Variants in HASPIN observed in about 807,000 individuals in gnomAD.
HASPIN encodes serine/threonine-protein kinase haspin.
In HASPIN, 24 loss-of-function variants were observed where a neutral mutation model predicts 28.8. The observed-to-expected ratio is 0.83, with a 90% CI of 0.60 to 1.17. The LOEUF is 1.17. Among genes scored for constraint, HASPIN ranks in the 50% most tolerant of loss-of-function variants. The pLI is 0.00. For synonymous variants in HASPIN, 440 were observed against 413.1 expected (o/e 1.07, Z -0.79); for missense variants, 1,016 against 1,018.5 (o/e 1.00, Z 0.03).
At position 3,724,467 on chromosome 17, in the gene HASPIN, G is replaced by T. The variant is rs749617939; in HGVS notation, c.532G>T (p.Gly178Trp). The change falls in exon 1 of 1, where the codon GGG (glycine) becomes TGG (tryptophan). Residue 178 changes from glycine (G) to tryptophan (W), a missense_variant. By Grantham distance (184) the Gly-to-Trp change is radical. Around this residue, in one of 3 missense-constraint regions of HASPIN, gnomAD observed 881 missense variants for 845.5 expected, o/e 1.04. Transcript: ENST00000325418. ...CAGCTCTCTGGCCTCGCCCTGCCCC[G>T]GGTCCCCAACGCCAAGGGACAGTGT... Reference protein sequence around the residue: ...LFSSLASPCPGSPTPRDSVIS... With the variant: ...LFSSLASPCPWSPTPRDSVIS... 1.2e-6 allele frequency: 2 copies of T among 1,613,758 alleles called. No individual in the cohort carries two copies. Among genetic ancestry groups the T allele is most frequent in the South Asian group, 2.2e-5 (2 of 91,078 alleles).
Position 3,726,627 on chromosome 17 carries a change from T to C in HASPIN, c.*295T>C. ...AGGATCGCTTGAGCCCAAGAGTTCA[T>C]ATCTAGCCTGGTCAACATAGCAAGA... On this transcript the variant is annotated 3_prime_UTR_variant, in exon 1 of 1. Coordinates refer to ENST00000325418, the MANE Select transcript of HASPIN (RefSeq NM_031965.2). The C allele has an allele frequency of 2.9e-6, 1 of 340,212 alleles. No individual in the cohort carries two copies. Among genetic ancestry groups the C allele is most frequent in the South Asian group, 7.1e-5 (1 of 14,016 alleles). 21.1% of individuals were successfully genotyped at this position (340,212 alleles called of 1,614,324 possible). A position where few individuals can be genotyped will look rare whatever the true frequency, so the allele number is the denominator to read the frequency against.
chr17:3,724,220 C>G lies in HASPIN; in HGVS notation c.285C>G (p.Thr95=). The G allele has an allele frequency of 6.3e-7, 1 of 1,593,484 alleles. No individual in the cohort carries two copies. The highest frequency in any genetic ancestry group is 8.5e-7 in the Non-Finnish European group (1 of 1,177,352). The change falls in exon 1 of 1, where the codon ACC becomes ACG. Residue 95 remains threonine, a synonymous_variant. Coordinates refer to ENST00000325418, the MANE Select transcript of HASPIN (RefSeq NM_031965.2). ...GRVPKDRPSL[T]VTPKRWKLRA... is the part of the protein sequence containing the mutation. Reference sequence around the variant, plus strand: ...TGCCCAAGGACCGGCCCAGCCTGACCGTGACCCCAAAGCGCTGGAAGCTGC... The same window carrying G: ...TGCCCAAGGACCGGCCCAGCCTGACGGTGACCCCAAAGCGCTGGAAGCTGC...
In HASPIN at chr17:3,724,847, G is replaced by A; in HGVS notation, c.912G>A (p.Gly304=). The A allele has an allele frequency of 1.2e-6, 2 of 1,614,088 alleles. No individual in the cohort carries two copies. The highest frequency in any genetic ancestry group is 8.5e-7 in the Non-Finnish European group (1 of 1,180,048). Residue 304 remains glycine, a synonymous_variant, in exon 1 of 1, where the codon GGG becomes GGA. Transcript: ENST00000325418. ...GCCAGGACTCTTGTCAAGAGAGAGG[G>A]CTTCAAGAGGCCGTCCGGAGAGAGC... The part of the protein sequence containing the change: ...ATGQDSCQER[G]LQEAVRREHQ...
rs367898370 is a variant in HASPIN at position 3,724,221 on chromosome 17, G to A, written c.286G>A (p.Val96Met). ...RVPKDRPSLT[V>M]TPKRWKLRAR... ...GCCCAAGGACCGGCCCAGCCTGACC[G>A]TGACCCCAAAGCGCTGGAAGCTGCG... The change falls in exon 1 of 1, where the codon GTG becomes ATG. Residue 96 changes from valine to methionine, a missense_variant. By Grantham distance (21) the Val-to-Met change is conservative (BLOSUM62 1). Transcript: ENST00000325418. 13 of 1,593,624 alleles carry A rather than the reference G, an allele frequency of 8.2e-6. No individual in the cohort carries two copies. Among genetic ancestry groups the A allele is most frequent in the Non-Finnish European group, 1.1e-5 (13 of 1,177,392 alleles).
chr17:3,724,943 A>G lies in HASPIN; in HGVS notation c.1008A>G (p.Ser336=), dbSNP rs2051171919. ...TAGACAGGCTGGAGAGAACTAGATC[A>G]AGCCGGAAGAGCAAACATCAGGAGG... The part of the protein sequence containing the change: ...RGIDRLERTR[S]SRKSKHQEAT... The change falls in exon 1 of 1, where the codon TCA becomes TCG. Residue 336 remains serine, a synonymous_variant. Coordinates refer to ENST00000325418, the MANE Select transcript of HASPIN (RefSeq NM_031965.2). 1 of 1,613,788 alleles carries G rather than the reference A, an allele frequency of 6.2e-7. No homozygotes were observed. The highest frequency in any genetic ancestry group is 8.5e-7 in the Non-Finnish European group (1 of 1,179,830).
At position 3,725,011 on chromosome 17, in the gene HASPIN, G is replaced by A; in HGVS notation, c.1076G>A (p.Gly359Asp). The stretch of plus-strand genomic sequence containing the variant: ...CTCCATTCCCACCGCTTTAAAAAGG[G>A]CCAAAAGCTGGGAAAAGATTCGTTC... The part of the protein sequence containing the change: ...SLLHSHRFKK[G>D]QKLGKDSFPT... Residue 359 changes from glycine (G) to aspartate (D), a missense_variant, in exon 1 of 1, where the codon GGC becomes GAC. This residue lies in a region of HASPIN where 881 missense variants were observed against 845.5 expected (regional missense o/e 1.04). Coordinates refer to ENST00000325418, the MANE Select transcript of HASPIN (RefSeq NM_031965.2). 1 of 1,614,180 alleles carries A rather than the reference G, an allele frequency of 6.2e-7. No homozygotes were observed. The highest frequency in any genetic ancestry group is 1.7e-5 in the Admixed American group (1 of 60,006).
At position 3,725,984 on chromosome 17, in the gene HASPIN, G is replaced by C. The variant is rs752810508; in HGVS notation, c.2049G>C (p.Val683=). The C allele has an allele frequency of 1.9e-6, 3 of 1,613,772 alleles. No individual in the cohort carries two copies. Among genetic ancestry groups the C allele is most frequent in the East Asian group, 4.5e-5 (2 of 44,898 alleles). ...CTATCCCCAGCTGTGGGTTGCAAGT[G>C]AGCATCATTGACTACACCCTGTCGC... The part of the protein sequence containing the change: ...SSTIPSCGLQ[V]SIIDYTLSRL... The change falls in exon 1 of 1, where the codon GTG becomes GTC. Residue 683 remains valine, a synonymous_variant. Coordinates refer to ENST00000325418, the MANE Select transcript of HASPIN (RefSeq NM_031965.2).
At position 3,725,891 on chromosome 17, in the gene HASPIN, G is replaced by T; in HGVS notation, c.1956G>T (p.Trp652Cys). ...GCTTTGAGCACCGAGACTTACACTG[G>T]GGGAACGTGCTCTTAAAGAAAACCA... ...SLRFEHRDLH[W>C]GNVLLKKTSL... The change falls in exon 1 of 1, where the codon TGG (tryptophan) becomes TGT (cysteine). Residue 652 changes from tryptophan (W) to cysteine (C), a missense_variant. Physicochemically the swap from Trp to Cys is radical, Grantham distance 215. Transcript: ENST00000325418. 6.2e-7 allele frequency: 1 copy of T among 1,612,464 alleles called. No individual in the cohort carries two copies.
chr17:3,725,705 G>C lies in HASPIN; in HGVS notation c.1770G>C (p.Arg590=). ...CAACCAAAGGCTCTGCAAATGACCG[G>C]CCTGATTTTTTTAAAGACGACCAGC... is the stretch of plus-strand genomic sequence containing the variant. ...YNSTKGSAND[R]PDFFKDDQLF... Residue 590 remains arginine, a synonymous_variant, in exon 1 of 1, where the codon CGG becomes CGC. Transcript: ENST00000325418. The C allele has an allele frequency of 6.3e-7, 1 of 1,575,122 alleles. No individual in the cohort carries two copies. The highest frequency in any genetic ancestry group is 8.6e-7 in the Non-Finnish European group (1 of 1,161,124).
Position 3,726,004 on chromosome 17 carries a change from T to C in HASPIN, c.2069T>C (p.Leu690Pro), listed in dbSNP as rs1274312228. 1 of 1,614,016 alleles carries C rather than the reference T, an allele frequency of 6.2e-7. No individual in the cohort carries two copies. Among genetic ancestry groups the C allele is most frequent in the Non-Finnish European group, 8.5e-7 (1 of 1,180,036 alleles). The change falls in exon 1 of 1, where the codon CTG (leucine) becomes CCG (proline). Residue 690 changes from leucine to proline, a missense_variant. This residue lies in a region of HASPIN where 129 missense variants were observed against 156.2 expected (regional missense o/e 0.83). Coordinates refer to ENST00000325418, the MANE Select transcript of HASPIN (RefSeq NM_031965.2). The stretch of plus-strand genomic sequence containing the variant: ...CAAGTGAGCATCATTGACTACACCC[T>C]GTCGCGCTTGGAACGGGATGGGATT... Reference protein sequence around the residue: ...GLQVSIIDYTLSRLERDGIVV... With the variant: ...GLQVSIIDYTPSRLERDGIVV...
chr17:3,725,779 T>C lies in HASPIN; in HGVS notation c.1844T>C (p.Met615Thr). The change falls in exon 1 of 1, where the codon ATG (methionine) becomes ACG (threonine). Residue 615 changes from methionine to threonine, a missense_variant. Transcript: ENST00000325418. The part of the protein sequence containing the change: ...FEFGGIDLEQ[M>T]RTKLSSLATA... ...TTTGGAGGGATTGACTTAGAGCAAATGCGAACCAAGTTGTCTTCCTTGGCT... is the reference window on the plus strand; with the variant it reads ...TTTGGAGGGATTGACTTAGAGCAAACGCGAACCAAGTTGTCTTCCTTGGCT... The C allele has an allele frequency of 6.2e-7, 1 of 1,602,728 alleles. No homozygotes were observed.
chr17:3,725,978 G>C lies in HASPIN; in HGVS notation c.2043G>C (p.Leu681Phe). ...GKSSTIPSCG[L>F]QVSIIDYTLS... ...GCAGCACTATCCCCAGCTGTGGGTT[G>C]CAAGTGAGCATCATTGACTACACCC... is the stretch of plus-strand genomic sequence containing the variant. The change falls in exon 1 of 1, where the codon TTG becomes TTC. Residue 681 changes from leucine (L) to phenylalanine (F), a missense_variant. Leu to Phe is a conservative substitution (Grantham distance 22). Coordinates refer to ENST00000325418, the MANE Select transcript of HASPIN (RefSeq NM_031965.2). 1 of 1,613,884 alleles carries C rather than the reference G, an allele frequency of 6.2e-7. No individual in the cohort carries two copies. The highest frequency in any genetic ancestry group is 1.3e-5 in the African/African-American group (1 of 75,026).
In HASPIN at chr17:3,724,669, T is replaced by C; in HGVS notation, c.734T>C (p.Leu245Pro). ...ACCCGCGCCAGCCTCAGGTCAGTTC[T>C]CTTTGGCCTTATGAACTCAGGAACC... ...HQTRASLRSV[L>P]FGLMNSGTPE... The change falls in exon 1 of 1, where the codon CTC becomes CCC. Residue 245 changes from leucine (L) to proline (P), a missense_variant. Physicochemically the swap from Leu to Pro is moderately conservative, Grantham distance 98 (BLOSUM62 -3). This residue lies in a region of HASPIN where 881 missense variants were observed against 845.5 expected (regional missense o/e 1.04). Transcript: ENST00000325418. 6.2e-6 allele frequency: 10 copies of C among 1,614,206 alleles called. No homozygotes were observed. Among genetic ancestry groups the C allele is most frequent in the Non-Finnish European group, 8.5e-6 (10 of 1,180,032 alleles).
rs1234595562 is a variant in HASPIN, at chr17:3,725,680, C to G, written c.1745C>G (p.Ser582Ter). ...CTCAAAGCCTGGGATCACTATAATTCAACCAAAGGCTCTGCAAATGACCGG... is the reference window on the plus strand; with the variant it reads ...CTCAAAGCCTGGGATCACTATAATTGAACCAAAGGCTCTGCAAATGACCGG... ...LLLKAWDHYNSTKGSANDRPD... is the reference protein window; with the variant it reads ...LLLKAWDHYN The change falls in exon 1 of 1, where the codon TCA becomes TGA. Residue 582 changes from serine (S) to a stop codon, truncating the protein, a stop_gained. Coordinates refer to ENST00000325418, the MANE Select transcript of HASPIN (RefSeq NM_031965.2). LOFTEE classifies it high-confidence loss of function. 6.3e-7 allele frequency: 1 copy of G among 1,583,140 alleles called. No individual in the cohort carries two copies. Among genetic ancestry groups the G allele is most frequent in the Admixed American group, 1.8e-5 (1 of 55,254 alleles).
At position 3,724,011 on chromosome 17, in the gene HASPIN, C is replaced by T; in HGVS notation, c.76C>T (p.Arg26Trp). 6.3e-7 allele frequency: 1 copy of T among 1,591,556 alleles called. No homozygotes were observed. The highest frequency in any genetic ancestry group is 8.5e-7 in the Non-Finnish European group (1 of 1,173,584). ...YGAADGRRQR[R>W]PGREAAQWFP... is the part of the protein sequence containing the mutation. ...GGCTGCGGACGGCAGGAGACAGCGG[C>T]GGCCGGGCCGGGAAGCCGCGCAGTG... The change falls in exon 1 of 1, where the codon CGG becomes TGG. Residue 26 changes from arginine (R) to tryptophan (W), a missense_variant. By Grantham distance (101) the Arg-to-Trp change is moderately radical. Coordinates refer to ENST00000325418, the MANE Select transcript of HASPIN (RefSeq NM_031965.2).
rs915967609 is a variant in HASPIN, at chr17:3,725,590, G to A, written c.1655G>A (p.Arg552His). 8.1e-6 allele frequency: 13 copies of A among 1,613,996 alleles called. No homozygotes were observed. The highest frequency in any genetic ancestry group is 6.7e-5 in the African/African-American group (5 of 74,936). ...CTCTTATCCGGTGAAGTGTGCAACC[G>A]CACAGAAGGCTTTATCGGGCTGAAC... Reference protein sequence around the residue: ...LSLLSGEVCNRTEGFIGLNSV... With the variant: ...LSLLSGEVCNHTEGFIGLNSV... The change falls in exon 1 of 1, where the codon CGC becomes CAC. Residue 552 changes from arginine to histidine, a missense_variant. Around this residue, in one of 3 missense-constraint regions of HASPIN, gnomAD observed 881 missense variants for 845.5 expected, o/e 1.04. Transcript: ENST00000325418.
In HASPIN at chr17:3,726,276, A is replaced by G. The variant is rs761100061; in HGVS notation, c.2341A>G (p.Met781Val). Residue 781 changes from methionine to valine, a missense_variant, in exon 1 of 1, where the codon ATG becomes GTG. Coordinates refer to ENST00000325418, the MANE Select transcript of HASPIN (RefSeq NM_031965.2). Reference protein sequence around the residue: ...KRKIQEFHRTMLNFSSATDLL... With the variant: ...KRKIQEFHRTVLNFSSATDLL... ...AAAAATCCAGGAGTTCCACAGGACAATGCTGAACTTCAGCTCTGCCACTGA... is the reference window on the plus strand; with the variant it reads ...AAAAATCCAGGAGTTCCACAGGACAGTGCTGAACTTCAGCTCTGCCACTGA... 74 of 1,614,064 alleles carry G rather than the reference A, an allele frequency of 4.6e-5. 1 individual carries two copies. Among genetic ancestry groups the G allele is most frequent in the Admixed American group, 1.7e-4 (10 of 60,010 alleles).
rs1020496481 is a variant in HASPIN at position 3,723,930 on chromosome 17, C to G, written c.-6C>G. ...TTGCGTTTGAACCTCTTGGCGGGTG[C>G]CGGCCATGGCGGCTTCGCTCCCGGG... On this transcript the variant is annotated 5_prime_UTR_variant, in exon 1 of 1. Coordinates refer to ENST00000325418, the MANE Select transcript of HASPIN (RefSeq NM_031965.2). 3 of 1,543,300 alleles carry G rather than the reference C, an allele frequency of 1.9e-6. No individual in the cohort carries two copies. The highest frequency in any genetic ancestry group is 2.8e-5 in the African/African-American group (2 of 72,194).
In HASPIN at chr17:3,726,021, G is replaced by T. The variant is rs763401727; in HGVS notation, c.2086G>T (p.Asp696Tyr). ...IDYTLSRLERDGIVVFCDVSM... is the reference protein window; with the variant it reads ...IDYTLSRLERYGIVVFCDVSM... ...CTACACCCTGTCGCGCTTGGAACGGGATGGGATTGTGGTTTTCTGTGACGT... is the reference window on the plus strand; with the variant it reads ...CTACACCCTGTCGCGCTTGGAACGGTATGGGATTGTGGTTTTCTGTGACGT... Residue 696 changes from aspartate to tyrosine, a missense_variant, in exon 1 of 1, where the codon GAT becomes TAT. Physicochemically the swap from Asp to Tyr is radical, Grantham distance 160 (BLOSUM62 -3). This residue lies in a region of HASPIN where 129 missense variants were observed against 156.2 expected (regional missense o/e 0.83). Coordinates refer to ENST00000325418, the MANE Select transcript of HASPIN (RefSeq NM_031965.2). The T allele has an allele frequency of 1.9e-6, 3 of 1,614,002 alleles. No individual in the cohort carries two copies. In the Admixed American group the frequency reaches 5.0e-5, roughly 27 times the overall value.
Sources: allele counts gnomAD v4.1 joint callset, GRCh38; gene constraint gnomAD v4.1.1; regional missense constraint gnomAD v4.1.1; transcripts MANE v1.5; gene names NCBI Gene and HGNC (gene_info 2026-07-23, HGNC 2026-07-21).